Variants in ZNF585B observed in about 807,000 individuals in gnomAD.
The protein encoded by ZNF585B is zinc finger protein 585B.
A neutral mutation model predicts 14.0 loss-of-function variants in ZNF585B; 7 were observed. The observed-to-expected ratio is 0.50, with a 90% CI of 0.28 to 0.94. ZNF585B has a LOEUF of 0.94. Ranked by LOEUF, ZNF585B falls within the 40% of genes least tolerant of loss-of-function variation. The pLI is 0.09. For synonymous variants in ZNF585B, 290 were observed against 317.3 expected, an observed-to-expected ratio of 0.91 and a Z score of 0.91; for missense variants, 750 against 924.4, an observed-to-expected ratio of 0.81 and a Z score of 2.45.
At chr19:37,200,798 G>A (rs1176826532) in intron 2 of ZNF585B, among the ~76,000 whole-genome samples, 1 of 148,722 alleles carries the variant, frequency 6.7e-6, no homozygotes, top group Admixed American at 6.7e-5. Context: ...AAGAACAAAA[G>A]AAAAAACAGA....
At chr19:37,190,656 C>T (rs192373059) in intron 2 of ZNF585B, among the ~76,000 whole-genome samples, 1 of 151,702 alleles carries the variant, frequency 6.6e-6, no homozygotes, top group Non-Finnish European at 1.5e-5. Flanking sequence ...ACCTCCACCT[C>T]CCAGGTTCAA....
intron 4 of ZNF585B, among the ~76,000 whole-genome samples, chr19:37,188,572 G>A (rs1193274017): frequency 1.3e-5 from 2 of 152,228 alleles, no homozygotes; most frequent in East Asian, 3.9e-4. Flanking sequence ...GGGAGGCTGA[G>A]GCAAGAGAAT....
chr19:37,187,749 C>T (rs1228512720), intron 4 of ZNF585B, among the ~76,000 whole-genome samples: 2 of 152,036 alleles, frequency 1.3e-5, no homozygotes, highest in Non-Finnish European at 2.9e-5. Flanking sequence ...GTAAAAATGG[C>T]TTATCCAGCT....
chr19:37,209,399 G>C (rs919652828), intron 1 of ZNF585B, among the ~76,000 whole-genome samples: 4 of 152,016 alleles, frequency 2.6e-5, no homozygotes, highest in African/African-American at 9.7e-5. Context: ...CACCAGGCCC[G>C]GTCAGTCATA....
At chr19:37,196,598 C>G (rs1972467707) in intron 2 of ZNF585B, among the ~76,000 whole-genome samples, 1 of 152,016 alleles carries the variant, frequency 6.6e-6, no homozygotes. Flanking sequence ...ACCTCTTCCC[C>G]CTTTGCCACC....
rs1599760441 is a variant in ZNF585B, at chr19:37,183,311, A to G, written c.*1916T>C. On this transcript the variant is annotated 3_prime_UTR_variant, in exon 5 of 5. Transcript: ENST00000532828. ...TTTAGCCAAGTTGGTTCTCCCTATT[A>G]GCGCTTCTTATGCTGCAACACAGAA... 1 of 152,354 alleles carries G rather than the reference A, an allele frequency of 6.6e-6. No homozygotes were observed. Among genetic ancestry groups the G allele is most frequent in the East Asian group, 1.9e-4 (1 of 5,190 alleles). 9.4% of individuals were successfully genotyped at this position (152,354 alleles called of 1,614,324 possible).
rs368951761 is a variant in ZNF585B at position 37,186,105 on chromosome 19, G to T, written c.1432C>A (p.Arg478=). Residue 478 remains arginine, a synonymous_variant, in exon 5 of 5, where the codon CGG becomes AGG. Transcript: ENST00000532828. ...TTCTGATGTGTAATGAGATTTGACC[G>T]GTTGGTGAATGCCTTCCCACATTTA... The part of the protein sequence containing the change: ...CNKCGKAFTN[R]SNLITHQKTH... The T allele has an allele frequency of 2.5e-6, 4 of 1,613,634 alleles. No homozygotes were observed. The East Asian group carries it at 6.7e-5, about 27-fold the overall frequency.
At chr19:37,201,376 T>C (rs1232932499) in intron 2 of ZNF585B, among the ~76,000 whole-genome samples, 1 of 152,070 alleles carries the variant, frequency 6.6e-6, no homozygotes, top group Non-Finnish European at 1.5e-5. Flanking sequence ...TAGCAAGAAA[T>C]ACATTGGTGG....
chr19:37,192,266 CTCTA>C (rs1314870069), intron 2 of ZNF585B, among the ~76,000 whole-genome samples: 2 of 152,118 alleles, frequency 1.3e-5, no homozygotes, highest in East Asian at 1.9e-4. Flanking sequence ...AAAAGTAGAT[CTCTA>C]TCTGAGACAC....
Position 37,207,090 on chromosome 19 carries a change from G to T in ZNF585B, c.22C>A (p.Pro8Thr). The part of the protein sequence containing the change: MPASWTS[P>T]QKSSALAPED... ...GGAGCCAGGGCTGAGGATTTCTGGG[G>T]TGAGGTCCAACTAGCTGGCATGGCC... is the stretch of plus-strand genomic sequence containing the variant. Residue 8 changes from proline (P) to threonine (T), a missense_variant, in exon 2 of 5, where the codon CCC (proline) becomes ACC (threonine). Physicochemically the swap from Pro to Thr is conservative, Grantham distance 38. Around this residue, in one of 2 missense-constraint regions of ZNF585B, gnomAD observed 517 missense variants for 570.3 expected, o/e 0.91. Transcript: ENST00000532828. 1.2e-6 allele frequency: 2 copies of T among 1,614,164 alleles called. No homozygotes were observed. Among genetic ancestry groups the T allele is most frequent in the Non-Finnish European group, 1.7e-6 (2 of 1,180,036 alleles).
Position 37,185,798 on chromosome 19 carries a change from C to G in ZNF585B, c.1739G>C (p.Cys580Ser). The change falls in exon 5 of 5, where the codon TGC (cysteine) becomes TCC (serine). Residue 580 changes from cysteine (C) to serine (S), a missense_variant. Physicochemically the swap from Cys to Ser is moderately radical, Grantham distance 112. This residue lies in a region of ZNF585B where 233 missense variants were observed against 354.1 expected (regional missense o/e 0.66). Coordinates refer to ENST00000532828, the MANE Select transcript of ZNF585B (RefSeq NM_152279.4). ...KIHTGEKPYV[C>S]TECGRAFIRK... Reference sequence around the variant, plus strand: ...GATGAAAGCTCTTCCACACTCAGTGCATACATAGGGTTTCTCTCCTGTATG... The same window carrying G: ...GATGAAAGCTCTTCCACACTCAGTGGATACATAGGGTTTCTCTCCTGTATG... 1.2e-6 allele frequency: 2 copies of G among 1,602,364 alleles called. No homozygotes were observed. Among genetic ancestry groups the G allele is most frequent in the Non-Finnish European group, 1.7e-6 (2 of 1,173,810 alleles).
intron 1 of ZNF585B, among the ~76,000 whole-genome samples, chr19:37,207,870 T>C (rs1972601934): frequency 6.6e-6 from 1 of 152,194 alleles, no homozygotes; most frequent in African/African-American, 2.4e-5. Context: ...ATAAAAATGA[T>C]ATGCGATTGA....
chr19:37,202,079 G>A (rs1309074939), intron 2 of ZNF585B, among the ~76,000 whole-genome samples: 2 of 151,982 alleles, frequency 1.3e-5, no homozygotes, highest in African/African-American at 2.4e-5. Flanking sequence ...GGAGTGAAAT[G>A]GTGTGAACTC....
At chr19:37,198,607 G>A (rs561715960) in intron 2 of ZNF585B, among the ~76,000 whole-genome samples, 4 of 151,790 alleles carry the variant, frequency 2.6e-5, no homozygotes, top group African/African-American at 7.2e-5. Context: ...GTGGTGGCAC[G>A]TGCCTGTAAT....
intron 2 of ZNF585B, among the ~76,000 whole-genome samples, chr19:37,195,345 C>CAAAAAAAAAAAA (rs71177429): frequency 1.4e-4 from 2 of 14,300 alleles, no homozygotes; most frequent in African/African-American, 4.5e-4. Context: ...GACTCTGACT[C>CAAAAAAAAAAAA]AAAAAAAAAA....
intron 2 of ZNF585B, among the ~76,000 whole-genome samples, chr19:37,204,901 C>A (rs564107580): frequency 1.3e-5 from 2 of 152,166 alleles, no homozygotes; most frequent in Admixed American, 1.3e-4. Flanking sequence ...CGTACGCCAC[C>A]ATGCCTGACA....
Position 37,185,458 on chromosome 19 carries a change from A to C in ZNF585B, c.2079T>G (p.Ser693Arg). The change falls in exon 5 of 5, where the codon AGT becomes AGG. Residue 693 changes from serine (S) to arginine (R), a missense_variant. Ser to Arg is a moderately radical substitution (Grantham distance 110). Around this residue, in one of 2 missense-constraint regions of ZNF585B, gnomAD observed 233 missense variants for 354.1 expected, o/e 0.66. Coordinates refer to ENST00000532828, the MANE Select transcript of ZNF585B (RefSeq NM_152279.4). Reference protein sequence around the residue: ...IHTGEKPYECSDCGKSFTKKS... With the variant: ...IHTGEKPYECRDCGKSFTKKS... ...TTTTAGTGAAAGACTTCCCACAGTC[A>C]CTGCACTCATAAGGTTTCTCTCCAG... The C allele has an allele frequency of 1.2e-6, 2 of 1,612,912 alleles. No homozygotes were observed. The highest frequency in any genetic ancestry group is 1.7e-6 in the Non-Finnish European group (2 of 1,179,344).
intron 2 of ZNF585B, among the ~76,000 whole-genome samples, chr19:37,195,439 G>A (rs1568509507): frequency 6.9e-6 from 1 of 145,118 alleles, no homozygotes; most frequent in Non-Finnish European, 1.5e-5. Context: ...TTGTTGGGGA[G>A]AAAAAATCAA....
At chr19:37,203,314 T>A (rs1378495200) in intron 2 of ZNF585B, among the ~76,000 whole-genome samples, 1 of 152,044 alleles carries the variant, frequency 6.6e-6, no homozygotes, top group Non-Finnish European at 1.5e-5. Context: ...ACACGAACTT[T>A]AAAATGTAGT....
Sources: gnomAD v4.1 joint callset for allele counts (sites outside exome capture counted in the v4.1 genomes callset) on GRCh38, gnomAD v4.1.1 for gene constraint, gnomAD v4.1.1 regional missense constraint, MANE v1.5 for transcripts, NCBI Gene and HGNC (gene_info 2026-07-23, HGNC 2026-07-21) for gene names.